The following DNAI1 variants were observed in gnomAD, a reference collection of about 807,000 sequenced individuals.
The protein encoded by DNAI1 is dynein, axonemal, intermediate polypeptide 1.
In DNAI1, 67 loss-of-function variants were observed where a neutral mutation model predicts 92.0. The ratio of observed to expected loss-of-function variants is 0.73; its 90% confidence interval spans 0.60 to 0.89. DNAI1 has a LOEUF of 0.89. Among genes scored for constraint, DNAI1 ranks in the 40% least tolerant of loss-of-function variants. The pLI is 0.00. For synonymous variants in DNAI1, 323 were observed against 319.6 expected (o/e 1.01, Z -0.11); for missense variants, 839 against 866.6 (o/e 0.97, Z 0.40).
At chr9:34,481,158 G>A (rs561605008) in intron 1 of DNAI1, among the ~76,000 whole-genome samples, 15 of 152,254 alleles carry the variant, frequency 9.9e-5, no homozygotes, top group Admixed American at 3.3e-4. Context: ...CAGGAGAATC[G>A]CTTGAAACCA....
chr9:34,510,295 A>G (rs1029089532), intron 13 of DNAI1, among the ~76,000 whole-genome samples: 1 of 152,226 alleles, frequency 6.6e-6, no homozygotes, highest in Non-Finnish European at 1.5e-5. Flanking sequence ...CTGCCTGAGT[A>G]GCCAGCTCTG....
At chr9:34,464,290 C>T (rs1290178944) in intron 1 of DNAI1, among the ~76,000 whole-genome samples, 1 of 152,152 alleles carries the variant, frequency 6.6e-6, no homozygotes. Flanking sequence ...CAGTGACTTC[C>T]CATTGCTCTT....
rs1215377793 is a variant in DNAI1 at position 34,489,437 on chromosome 9, GAA to G, written c.377_378del (p.Glu126ValfsTer30). ...AGGACGGCGGCAGCATTACCGCGAT[GAA>G]TTAGTGGCAGGTAGGACTCTGGGCC... ...DEGRRQHYRD[E>X]LVAGSQESVK... On this transcript the variant is annotated frameshift_variant, in exon 5 of 20. Coordinates refer to ENST00000242317, the MANE Select transcript of DNAI1 (RefSeq NM_012144.4). LOFTEE classifies it high-confidence loss of function. The G allele has an allele frequency of 6.2e-6, 10 of 1,613,696 alleles. No individual in the cohort carries two copies. The African/African-American group carries it at 1.3e-4, about 22-fold the overall frequency.
chr9:34,517,438 C>T lies in DNAI1; in HGVS notation c.1972C>T (p.Leu658Phe), dbSNP rs1263598657. 4.3e-6 allele frequency: 7 copies of T among 1,614,084 alleles called. No individual in the cohort carries two copies. The African/African-American group carries it at 8.0e-5, about 18-fold the overall frequency. ...CCGTGGGCACATCATCAGCCTCAAG[C>T]TCTCACCCAATTTGCGCAAGATGCC... ...DDRGHIISLK[L>F]SPNLRKMPKE... The change falls in exon 19 of 20, where the codon CTC becomes TTC. Residue 658 changes from leucine (L) to phenylalanine (F), a missense_variant. Leu to Phe is a conservative substitution (Grantham distance 22). Coordinates refer to ENST00000242317, the MANE Select transcript of DNAI1 (RefSeq NM_012144.4).
At chr9:34,492,067 T>A (rs529718705) in intron 8 of DNAI1, among the ~76,000 whole-genome samples, 29 of 152,190 alleles carry the variant, frequency 1.9e-4, no homozygotes, top group Admixed American at 3.9e-4. Flanking sequence ...TACTTTAAGA[T>A]CCTGAGCAAA....
chr9:34,507,538 G>A (rs141494617), intron 13 of DNAI1, among the ~76,000 whole-genome samples: 12 of 152,316 alleles, frequency 7.9e-5, no homozygotes, highest in African/African-American at 2.9e-4. Flanking sequence ...GGAGGAGAAA[G>A]AGGAGGGGTT....
chr9:34,509,899 C>CA (rs141472357), intron 13 of DNAI1, among the ~76,000 whole-genome samples: 49,283 of 104,596 alleles, frequency 0.47, 9,312 homozygotes, highest in South Asian at 0.52. Flanking sequence ...GACTCCGTCT[C>CA]AAAAAAAAAA....
Position 34,483,447 on chromosome 9 carries a change from G to C in DNAI1, c.49-1G>C, listed in dbSNP as rs748042738. 1 of 1,611,890 alleles carries C rather than the reference G, an allele frequency of 6.2e-7. No individual in the cohort carries two copies. The highest frequency in any genetic ancestry group is 1.3e-5 in the African/African-American group (1 of 75,026). ...CCTTCTGTTTTCTGTTCTTCATTTA[G>C]AGCATCAGCATAGGCAGAGGAACCA... On this transcript the variant is annotated splice_acceptor_variant, in intron 1 of 19. Coordinates refer to ENST00000242317, the MANE Select transcript of DNAI1 (RefSeq NM_012144.4). LOFTEE classifies it high-confidence loss of function.
At chr9:34,504,016 A>C (rs927704407) in intron 12 of DNAI1, among the ~76,000 whole-genome samples, 4 of 152,178 alleles carry the variant, frequency 2.6e-5, no homozygotes, top group Non-Finnish European at 4.4e-5. Context: ...GGGACTTCTC[A>C]TGGTCTTCCA....
chr9:34,506,374 G>T, intron 12 of DNAI1, among the ~76,000 whole-genome samples: 1 of 152,144 alleles, frequency 6.6e-6, no homozygotes, highest in South Asian at 2.1e-4. Context: ...CCTGCACCTT[G>T]GGGAGAATTA....
Position 34,489,397 on chromosome 9 carries a change from C to T in DNAI1, c.336C>T (p.Pro112=), listed in dbSNP as rs2132061103. ...ACACCCAGGTTGGGAACCTGATCCC[C>T]AAAGACTCAGATGAAGGACGGCGGC... is the stretch of plus-strand genomic sequence containing the variant. ...VHYTQVGNLI[P]KDSDEGRRQH... Residue 112 remains proline, a synonymous_variant, in exon 5 of 20, where the codon CCC becomes CCT. Transcript: ENST00000242317. 1 of 1,614,096 alleles carries T rather than the reference C, an allele frequency of 6.2e-7. No individual in the cohort carries two copies. The highest frequency in any genetic ancestry group is 8.5e-7 in the Non-Finnish European group (1 of 1,179,994).
rs752354598 is a variant in DNAI1 at position 34,489,434 on chromosome 9, G to A, written c.373G>A (p.Asp125Asn). Residue 125 changes from aspartate to asparagine, a missense_variant, in exon 5 of 20, where the codon GAT (aspartate) becomes AAT (asparagine). Asp to Asn is a conservative substitution (Grantham distance 23). Coordinates refer to ENST00000242317, the MANE Select transcript of DNAI1 (RefSeq NM_012144.4). ...TGAAGGACGGCGGCAGCATTACCGCGATGAATTAGTGGCAGGTAGGACTCT... is the reference window on the plus strand; with the variant it reads ...TGAAGGACGGCGGCAGCATTACCGCAATGAATTAGTGGCAGGTAGGACTCT... ...SDEGRRQHYR[D>N]ELVAGSQESV... The A allele has an allele frequency of 2.3e-5, 37 of 1,613,668 alleles. No homozygotes were observed. Among genetic ancestry groups the A allele is most frequent in the East Asian group, 6.7e-5 (3 of 44,886 alleles).
chr9:34,501,417 G>A (rs1824828874), intron 12 of DNAI1, among the ~76,000 whole-genome samples: 2 of 152,250 alleles, frequency 1.3e-5, no homozygotes, highest in East Asian at 3.8e-4. Context: ...AGAAAGAGGG[G>A]AAAACACTTC....
chr9:34,487,412 C>A (rs1043866510), intron 4 of DNAI1, among the ~76,000 whole-genome samples: 3 of 152,112 alleles, frequency 2.0e-5, no homozygotes, highest in African/African-American at 7.2e-5. Context: ...GTCTCAATCT[C>A]CTGACCTCAT....
At chr9:34,516,769 T>A (rs1436735934) in intron 18 of DNAI1, among the ~76,000 whole-genome samples, 1 of 146,972 alleles carries the variant, frequency 6.8e-6, no homozygotes, top group African/African-American at 2.5e-5. Context: ...TGAGACAAGA[T>A]CTCACTCTTG....
chr9:34,464,093 T>C (rs779746204), intron 1 of DNAI1, among the ~76,000 whole-genome samples: 8 of 152,198 alleles, frequency 5.3e-5, no homozygotes, highest in Non-Finnish European at 1.0e-4. Context: ...AAACTACTTT[T>C]TTTCATATAC....
intron 13 of DNAI1, among the ~76,000 whole-genome samples, chr9:34,508,066 G>C (rs1192324190): frequency 6.6e-6 from 1 of 152,188 alleles, no homozygotes; most frequent in Non-Finnish European, 1.5e-5. Context: ...TTTTCCATGG[G>C]CAGGACTGGG....
intron 18 of DNAI1, among the ~76,000 whole-genome samples, chr9:34,516,663 T>C (rs977116009): frequency 6.6e-6 from 1 of 152,074 alleles, no homozygotes; most frequent in East Asian, 1.9e-4. Flanking sequence ...AATGAGGTGA[T>C]GCAACCGTAT....
At chr9:34,504,245 C>T (rs1448284376) in intron 12 of DNAI1, among the ~76,000 whole-genome samples, 1 of 152,200 alleles carries the variant, frequency 6.6e-6, no homozygotes, top group Non-Finnish European at 1.5e-5. Flanking sequence ...CCCACCACAT[C>T]CTGGCCTGTC....
Sources: gnomAD v4.1 joint callset for allele counts (sites outside exome capture counted in the v4.1 genomes callset) on GRCh38, gnomAD v4.1.1 for gene constraint, MANE v1.5 for transcripts, NCBI Gene and HGNC (gene_info 2026-07-23, HGNC 2026-07-21) for gene names.